APBB2: variants seen among roughly 807,000 people sequenced by gnomAD.
The protein encoded by APBB2 is amyloid beta precursor protein binding family B member 2.
A neutral mutation model predicts 82.5 loss-of-function variants in APBB2; 38 were observed. The ratio of observed to expected loss-of-function variants is 0.46; its 90% CI spans 0.36 to 0.60. The LOEUF (loss-of-function observed/expected upper bound fraction) is 0.60. APBB2 is among the 20% of genes least tolerant of loss of function. APBB2 has a pLI of 0.00. For synonymous variants in APBB2, 341 were observed against 368.2 expected, an observed-to-expected ratio of 0.93 and a Z score of 0.85; for missense variants, 772 against 972.3, an observed-to-expected ratio of 0.79 and a Z score of 2.74.
At chr4:41,068,558 G>A (rs1465823698) in intron 3 of APBB2, among the ~76,000 whole-genome samples, 1 of 152,136 alleles carries the variant, frequency 6.6e-6, no homozygotes, top group African/African-American at 2.4e-5. Context: ...CCAAATTAAA[G>A]TAGTCTAAGT....
intron 6 of APBB2, among the ~76,000 whole-genome samples, chr4:40,952,072 G>A (rs1790329583): frequency 6.6e-6 from 1 of 151,492 alleles, no homozygotes; most frequent in African/African-American, 2.4e-5. Flanking sequence ...TGTAATCCCA[G>A]CTACTAAGGA....
At chr4:40,837,439 C>A (rs1174404417) in intron 12 of APBB2, among the ~76,000 whole-genome samples, 1 of 152,238 alleles carries the variant, frequency 6.6e-6, no homozygotes, top group African/African-American at 2.4e-5. Context: ...CACAGCCACG[C>A]AGGGTCCAGG....
intron 5 of APBB2, among the ~76,000 whole-genome samples, chr4:41,027,789 C>G (rs1458225600): frequency 6.6e-6 from 1 of 152,178 alleles, no homozygotes; most frequent in African/African-American, 2.4e-5. Context: ...ACCAAAATGC[C>G]AGTAACAATG....
chr4:40,881,279 C>T (rs1694872354), intron 12 of APBB2: 1 of 984,776 alleles, frequency 1.0e-6, no homozygotes, highest in Non-Finnish European at 1.2e-6. Flanking sequence ...CAAGACAGCA[C>T]ATACCATAGA....
At chr4:40,971,286 C>T (rs1795867879) in intron 6 of APBB2, among the ~76,000 whole-genome samples, 1 of 152,154 alleles carries the variant, frequency 6.6e-6, no homozygotes, top group South Asian at 2.1e-4. Context: ...ACTTTTTAAA[C>T]CTGAATTCTC....
chr4:40,930,436 TGTGTGTGTGTGTGC>T (rs1156692571), intron 10 of APBB2, among the ~76,000 whole-genome samples: 2 of 39,600 alleles, frequency 5.1e-5, no homozygotes, highest in Non-Finnish European at 1.1e-4. Context: ...TGTGTGTGTG[TGTGTGTGTGTGTGC>T]GCGCGCGCGC....
chr4:40,914,520 C>A (rs1256250244), intron 10 of APBB2, among the ~76,000 whole-genome samples: 2 of 152,198 alleles, frequency 1.3e-5, no homozygotes, highest in African/African-American at 4.8e-5. Context: ...CCATTGCACT[C>A]CAGCCTGGGC....
chr4:41,059,531 AG>A (rs1729025019), intron 4 of APBB2, among the ~76,000 whole-genome samples: 1 of 152,268 alleles, frequency 6.6e-6, no homozygotes, highest in Non-Finnish European at 1.5e-5. Context: ...AATGAGGGCA[AG>A]GAACACCTGG....
At chr4:41,107,653 C>T (rs936629344) in intron 2 of APBB2, among the ~76,000 whole-genome samples, 2 of 152,196 alleles carry the variant, frequency 1.3e-5, no homozygotes, top group Non-Finnish European at 2.9e-5. Context: ...CCAAGTGGTG[C>T]TCGGCATAAT....
At chr4:41,036,360 GA>G (rs1298591626) in intron 4 of APBB2, among the ~76,000 whole-genome samples, 1 of 152,046 alleles carries the variant, frequency 6.6e-6, no homozygotes, top group East Asian at 1.9e-4. Flanking sequence ...CTGTTTCCCT[GA>G]CCAAACAAAC....
intron 12 of APBB2, among the ~76,000 whole-genome samples, chr4:40,876,742 A>AT (rs554085148): frequency 6.6e-6 from 1 of 152,058 alleles, no homozygotes. Context: ...TCATTGTTGT[A>AT]TTTTTTTCCA....
chr4:40,942,304 A>G (rs1482985842), intron 7 of APBB2, among the ~76,000 whole-genome samples: 2 of 152,176 alleles, frequency 1.3e-5, no homozygotes, highest in Non-Finnish European at 2.9e-5. Context: ...TGCACCTTTA[A>G]CCAGCTTCCA....
chr4:41,172,918 T>C (rs1178754148), intron 1 of APBB2, among the ~76,000 whole-genome samples: 1 of 152,200 alleles, frequency 6.6e-6, no homozygotes, highest in African/African-American at 2.4e-5. Context: ...AGGTAAAACA[T>C]CAAGAAAGGA....
chr4:41,038,478 C>T (rs1266182652), intron 4 of APBB2, among the ~76,000 whole-genome samples: 1 of 152,182 alleles, frequency 6.6e-6, no homozygotes, highest in African/African-American at 2.4e-5. Flanking sequence ...CCCCTGACAG[C>T]CAGTCTAATT....
chr4:41,042,856 G>A (rs1360757132), intron 4 of APBB2, among the ~76,000 whole-genome samples: 1 of 152,174 alleles, frequency 6.6e-6, no homozygotes, highest in African/African-American at 2.4e-5. Flanking sequence ...TTAAGCCACT[G>A]AATTTTGGGG....
intron 6 of APBB2, among the ~76,000 whole-genome samples, chr4:40,967,572 T>C (rs572903559): frequency 2.0e-5 from 3 of 152,292 alleles, no homozygotes; most frequent in South Asian, 2.1e-4. Context: ...CCAGTACCCA[T>C]GCCAGCACCT....
At chr4:41,134,632 G>C (rs77922261) in intron 2 of APBB2, among the ~76,000 whole-genome samples, 122 of 152,186 alleles carry the variant, frequency 8.0e-4, no homozygotes, top group African/African-American at 2.8e-3. Context: ...AAAATCATTT[G>C]ATCTCTCCAA....
intron 1 of APBB2, among the ~76,000 whole-genome samples, chr4:41,210,023 C>T (rs555801191): frequency 1.3e-5 from 2 of 152,272 alleles, no homozygotes; most frequent in East Asian, 1.9e-4. Context: ...GAGTGCACAA[C>T]CAAGATCCCA....
At chr4:40,919,237 C>T (rs941913416) in intron 10 of APBB2, among the ~76,000 whole-genome samples, 1 of 152,160 alleles carries the variant, frequency 6.6e-6, no homozygotes, top group Non-Finnish European at 1.5e-5. Context: ...CGCACATGCA[C>T]TTACTAAATA....
Sources: allele counts gnomAD v4.1 joint callset (sites outside exome capture counted in the v4.1 genomes callset), GRCh38; gene constraint gnomAD v4.1.1; transcripts MANE v1.5; gene names NCBI Gene and HGNC (gene_info 2026-07-23, HGNC 2026-07-21).